Variants in PCNT observed in about 807,000 individuals in gnomAD.
The protein encoded by PCNT is kendrin.
In PCNT, 319 loss-of-function variants were observed where a neutral mutation model predicts 380.4. The observed-to-expected ratio is 0.84, with a 90% confidence interval of 0.77 to 0.92. The LOEUF is 0.92. Among genes scored for constraint, PCNT ranks in the 40% least tolerant of loss-of-function variants. The pLI, the probability that PCNT is intolerant of heterozygous loss-of-function variation, is 0.00. For missense variants in PCNT, 4,400 were observed against 4,255.3 expected, an observed-to-expected ratio of 1.03 and a Z score of -0.95; for synonymous variants, 1,845 against 1,735.2, an observed-to-expected ratio of 1.06 and a Z score of -1.57.
At chr21:46,433,116 C>T (rs60135034) in intron 38 of PCNT, among the ~76,000 whole-genome samples, 54,362 of 151,970 alleles carry the variant, frequency 0.36, 10,524 homozygotes, top group Middle Eastern at 0.5. Context: ...GCACGGTGGC[C>T]GATGCCTGTA....
At chr21:46,361,642 C>T (rs1740915524) in intron 13 of PCNT, among the ~76,000 whole-genome samples, 2 of 152,216 alleles carry the variant, frequency 1.3e-5, no homozygotes, top group Non-Finnish European at 2.9e-5. Flanking sequence ...TGGCCTTATA[C>T]TTGCCATTTC....
intron 13 of PCNT, among the ~76,000 whole-genome samples, chr21:46,358,862 G>T (rs1002227857): frequency 1.1e-4 from 16 of 151,736 alleles, no homozygotes; most frequent in African/African-American, 3.6e-4. Flanking sequence ...GCGCGGTGGC[G>T]CAATCTCAGC....
chr21:46,442,683 C>T (rs2053640783), intron 44 of PCNT, 110 bp downstream of exon 44: 3 of 772,910 alleles, frequency 3.9e-6, no homozygotes, highest in South Asian at 1.4e-5. Context: ...TAATAAAGCA[C>T]GGTAAGAAAA....
intron 21 of PCNT, among the ~76,000 whole-genome samples, chr21:46,393,964 T>C (rs916319732): frequency 1.3e-5 from 2 of 152,220 alleles, no homozygotes; most frequent in Admixed American, 6.5e-5. Flanking sequence ...GGAGTGGATC[T>C]CATGGAGCCC....
chr21:46,417,294 A>G (rs2087069302), intron 30 of PCNT, among the ~76,000 whole-genome samples: 1 of 144,874 alleles, frequency 6.9e-6, no homozygotes, highest in Non-Finnish European at 1.5e-5. Flanking sequence ...CCCCAGGTTC[A>G]AGCAAATCTC....
At chr21:46,378,519 T>C (rs1485069368) in intron 15 of PCNT, among the ~76,000 whole-genome samples, 2 of 152,094 alleles carry the variant, frequency 1.3e-5, no homozygotes, top group African/African-American at 4.8e-5. Flanking sequence ...GCTTGCCACG[T>C]GGATAACGCC....
In PCNT at chr21:46,412,927, C is replaced by G. The variant is rs2086837605; in HGVS notation, c.6085C>G (p.Gln2029Glu). 1 of 1,612,446 alleles carries G rather than the reference C, an allele frequency of 6.2e-7. No individual in the cohort carries two copies. Among genetic ancestry groups the G allele is most frequent in the East Asian group, 2.2e-5 (1 of 44,876 alleles). The change falls in exon 29 of 47, where the codon CAG (glutamine) becomes GAG (glutamate). Residue 2029 changes from glutamine to glutamate, a missense_variant. Coordinates refer to ENST00000359568, the MANE Select transcript of PCNT (RefSeq NM_006031.6). ...VMSVLTVCQR[Q>E]LQSELLLVKN... ...GTCAGTGCTCACCGTCTGCCAGAGG[C>G]AGCTGCAGTCGGAGCTGCTCTTGGT...
chr21:46,421,539 C>A (rs908668640), intron 31 of PCNT, among the ~76,000 whole-genome samples: 1 of 152,218 alleles, frequency 6.6e-6, no homozygotes, highest in African/African-American at 2.4e-5. Flanking sequence ...GCACGGTCAG[C>A]GTTTCCTGAG....
chr21:46,440,029 A>G, intron 41 of PCNT, 54 bp from the exon 42 acceptor site: 1 of 1,611,666 alleles, frequency 6.2e-7, no homozygotes. Flanking sequence ...CGTCTCTAAG[A>G]TGCTCTTGTT....
At chr21:46,435,467 C>G (rs573464820) in intron 38 of PCNT, among the ~76,000 whole-genome samples, 3 of 151,848 alleles carry the variant, frequency 2.0e-5, no homozygotes, top group African/African-American at 4.8e-5. Flanking sequence ...CTCAGGTGAT[C>G]CGCTTGCTGC....
chr21:46,330,904 C>T (rs1047145085), intron 2 of PCNT, among the ~76,000 whole-genome samples: 1 of 152,136 alleles, frequency 6.6e-6, no homozygotes, highest in African/African-American at 2.4e-5. Context: ...TATAGTTGTA[C>T]CAGTGCTTTA....
rs569276315 is a variant in PCNT at position 46,360,699 on chromosome 21, T to C, written c.2155-2781T>C. 2.6e-5 allele frequency among the ~76,000 whole-genome samples: 4 copies of C among 151,922 alleles called. No individual in the cohort carries two copies. In the South Asian group the frequency reaches 8.3e-4, roughly 32 times the overall value. ...ACACCCAGCTAATTTTTTATATTTTTAGTAGAGACGGGGTTTCACCATGTT... is the reference window on the plus strand; with the variant it reads ...ACACCCAGCTAATTTTTTATATTTTCAGTAGAGACGGGGTTTCACCATGTT... On this transcript the variant is annotated intron_variant, in intron 13 of 46. Coordinates refer to ENST00000359568, the MANE Select transcript of PCNT (RefSeq NM_006031.6).
At chr21:46,352,472 C>G (rs2084308890) in intron 9 of PCNT, among the ~76,000 whole-genome samples, 2 of 152,186 alleles carry the variant, frequency 1.3e-5, no homozygotes, top group East Asian at 1.9e-4. Context: ...TGTCTCTGTC[C>G]TGCCTCTCGG....
chr21:46,368,562 G>A (rs2085011050), intron 15 of PCNT, among the ~76,000 whole-genome samples: 1 of 152,236 alleles, frequency 6.6e-6, no homozygotes, highest in Admixed American at 6.5e-5. Flanking sequence ...TGCAGAAGCT[G>A]CAGTGCCTGT....
At chr21:46,406,385 G>A (rs1325969763) in intron 27 of PCNT, among the ~76,000 whole-genome samples, 1 of 151,986 alleles carries the variant, frequency 6.6e-6, no homozygotes, top group Non-Finnish European at 1.5e-5. Context: ...AAATATTTTA[G>A]GTTTTTTGCA....
chr21:46,329,044 G>A (rs773778883), intron 2 of PCNT, among the ~76,000 whole-genome samples: 1 of 152,196 alleles, frequency 6.6e-6, no homozygotes, highest in Non-Finnish European at 1.5e-5. Context: ...AAAGTGTGGG[G>A]ATTACAGGCG....
intron 19 of PCNT, among the ~76,000 whole-genome samples, chr21:46,390,095 A>G (rs2085980228): frequency 6.6e-6 from 1 of 152,262 alleles, no homozygotes; most frequent in Admixed American, 6.5e-5. Flanking sequence ...CTGGCCGTGG[A>G]CGGCCTCATG....
chr21:46,422,241 C>T (rs1037116886), intron 32 of PCNT, 117 bp downstream of exon 32: 2 of 1,260,214 alleles, frequency 1.6e-6, no homozygotes, highest in African/African-American at 3.0e-5. Flanking sequence ...TCCTGGGTGC[C>T]TCTGAGCACC....
rs1477134623 is a variant in PCNT at position 46,384,545 on chromosome 21, C to T, written c.3313-1287C>T. 6.8e-5 allele frequency among the ~76,000 whole-genome samples: 10 copies of T among 147,408 alleles called. 2 individuals carry two copies. Among genetic ancestry groups the T allele is most frequent in the East Asian group, 2.1e-4 (1 of 4,844 alleles). ...ATTCACGGTGTTGTGCGTTCAGTGG[C>T]GGAAGCCCATTCACGGTGTTGTGCA... is the stretch of plus-strand genomic sequence containing the variant. On this transcript the variant is annotated intron_variant, in intron 16 of 46. Coordinates refer to ENST00000359568, the MANE Select transcript of PCNT (RefSeq NM_006031.6).
Sources: gnomAD v4.1 joint callset for allele counts (sites outside exome capture counted in the v4.1 genomes callset) on GRCh38, gnomAD v4.1.1 for gene constraint, MANE v1.5 for transcripts, NCBI Gene and HGNC (gene_info 2026-07-23, HGNC 2026-07-21) for gene names.